Variants in DOT1L observed in about 807,000 individuals in gnomAD.
The protein encoded by DOT1L is histone-lysine N-methyltransferase, H3 lysine-79 specific.
A neutral mutation model predicts 153.3 loss-of-function variants in DOT1L; 33 were observed. The observed-to-expected ratio is 0.22, with a 90% CI of 0.16 to 0.29. The LOEUF (loss-of-function observed/expected upper bound fraction) is 0.29, where lower values mean the gene tolerates loss of function less well. DOT1L is among the 10% of genes least tolerant of loss of function. The pLI is 1.00. For missense variants in DOT1L, 1,847 were observed against 2,119.9 expected (o/e 0.87, Z 2.53); for synonymous variants, 1,135 against 965.1 (o/e 1.18, Z -3.26).
rs149970270 is a variant in DOT1L, at chr19:2,196,950, G to A, written c.651+2373G>A. Among the ~76,000 whole-genome samples, 47 of 151,954 alleles carry A rather than the reference G, an allele frequency of 3.1e-4. 1 individual carries two copies. The East Asian group carries it at 8.1e-3, about 26-fold the overall frequency. On this transcript the variant is annotated intron_variant, in intron 7 of 27. Coordinates refer to ENST00000398665, the MANE Select transcript of DOT1L (RefSeq NM_032482.3). ...TCGTTGCTGCTTCTAGTGTCAGCGC[G>A]GTGCTGTGGTTTCTGTTCCTCACCC...
chr19:2,207,491 C>G lies in DOT1L; in HGVS notation c.857-83C>G, dbSNP rs934075322. 2 of 1,199,738 alleles carry G rather than the reference C, an allele frequency of 1.7e-6. No homozygotes were observed. The highest frequency in any genetic ancestry group is 1.5e-5 in the African/African-American group (1 of 65,942). The allele number at this position is 1,199,738 out of a possible 1,614,324, so 74.3% of individuals were successfully genotyped here. A position where few individuals can be genotyped will look rare whatever the true frequency, so the allele number is the denominator to read the frequency against. ...GACGCGCAGCTCAGGCTTCTGTCCC[C>G]ACGCCTGCCCTGGGGTGGGTGAGGT... On this transcript the variant is annotated intron_variant, in intron 10 of 27. Coordinates refer to ENST00000398665, the MANE Select transcript of DOT1L (RefSeq NM_032482.3). This position sits in a 1 kb window ranked among gnomAD's most constrained non-coding sequence, Gnocchi z 4.5.
rs1599610128 is a variant in DOT1L, at chr19:2,220,018, C to T, written c.2692-90C>T. ...GACCCCGGCGGCCTCCCCCAGCCAGCTGCAGGCCTCAACACTCACTGTTTC... is the reference window on the plus strand; with the variant it reads ...GACCCCGGCGGCCTCCCCCAGCCAGTTGCAGGCCTCAACACTCACTGTTTC... On this transcript the variant is annotated intron_variant, in intron 22 of 27. Coordinates refer to ENST00000398665, the MANE Select transcript of DOT1L (RefSeq NM_032482.3). The surrounding 1 kb of genome is among the most constrained non-coding windows in gnomAD (Gnocchi z 4.5). 1.1e-5 allele frequency: 13 copies of T among 1,235,894 alleles called. No individual in the cohort carries two copies. Among genetic ancestry groups the T allele is most frequent in the African/African-American group, 4.5e-5 (3 of 66,374 alleles). 76.6% of individuals were successfully genotyped at this position (1,235,894 alleles called of 1,614,324 possible). A position where few individuals can be genotyped will look rare whatever the true frequency, so the allele number is the denominator to read the frequency against.
chr19:2,185,998 G>A (rs759700278), intron 3 of DOT1L, 69 bp downstream of exon 3: 17 of 1,452,928 alleles, frequency 1.2e-5, no homozygotes, highest in South Asian at 2.3e-5. Context: ...ACAGGAGGAC[G>A]CATCCTATAA....
At chr19:2,215,550 C>T (rs1295847932) in intron 19 of DOT1L, 1 of 152,482 alleles carries the variant, frequency 6.6e-6, no homozygotes, top group South Asian at 2.1e-4. Flanking sequence ...TGTCGCTGGA[C>T]CTCTGCTGCC....
chr19:2,199,393 G>A (rs1468269002), intron 7 of DOT1L, among the ~76,000 whole-genome samples: 1 of 152,232 alleles, frequency 6.6e-6, no homozygotes, highest in African/African-American at 2.4e-5. Context: ...TCTCAGCCTG[G>A]CCGAGTGTCG....
At chr19:2,187,938 A>AG (rs1555718460) in intron 3 of DOT1L, among the ~76,000 whole-genome samples, 5 of 148,108 alleles carry the variant, frequency 3.4e-5, no homozygotes, top group South Asian at 2.2e-4. Context: ...AAAAAAAAAA[A>AG]GGGAAGTGAA....
At position 2,213,838 on chromosome 19, in the gene DOT1L, C is replaced by G; in HGVS notation, c.1660-11C>G. ...CACCAGCATGACCTCTCCCCCGCCC[C>G]ATGTCCCCAGCTGGGTGTGAAGGCG... On this transcript the variant is annotated splice_polypyrimidine_tract_variant and intron_variant, in intron 17 of 27. Coordinates refer to ENST00000398665, the MANE Select transcript of DOT1L (RefSeq NM_032482.3). 1 of 1,613,002 alleles carries G rather than the reference C, an allele frequency of 6.2e-7. No homozygotes were observed. Among genetic ancestry groups the G allele is most frequent in the East Asian group, 2.2e-5 (1 of 44,886 alleles).
intron 1 of DOT1L, among the ~76,000 whole-genome samples, chr19:2,167,020 T>C (rs1165485235): frequency 1.3e-5 from 2 of 152,188 alleles, no homozygotes; most frequent in Non-Finnish European, 1.5e-5. Flanking sequence ...GCTGCAGGTT[T>C]CAAAAGTTAC....
chr19:2,168,785 T>A (rs1209130904), intron 1 of DOT1L, among the ~76,000 whole-genome samples: 2 of 152,084 alleles, frequency 1.3e-5, no homozygotes. Flanking sequence ...CAGCTAATTT[T>A]TTGTATTTTT....
In DOT1L at chr19:2,226,843, GC is replaced by G; in HGVS notation, c.4326del (p.Gly1443AlafsTer75). Reference sequence around the variant, plus strand: ...GTGCCTCCCGGAAGCCTCCTCAGCGGCCCCGGCCTGGCCCCGGCGGCGTCCT... The same window carrying G: ...GTGCCTCCCGGAAGCCTCCTCAGCGGCCCGGCCTGGCCCCGGCGGCGTCCT... Reference protein sequence around the residue: ...AAVPPGSLLSGPGLAPAASSA... With the variant: ...AAVPPGSLLSXPGLAPAASSA... On this transcript the variant is annotated frameshift_variant, in exon 27 of 28. Transcript: ENST00000398665. LOFTEE classifies it high-confidence loss of function. The G allele has an allele frequency of 1.3e-6, 2 of 1,580,044 alleles. No homozygotes were observed.
In DOT1L at chr19:2,197,480, G is replaced by T. The variant is rs1026602781; in HGVS notation, c.652-2404G>T. 3.3e-5 allele frequency among the ~76,000 whole-genome samples: 5 copies of T among 152,196 alleles called. No homozygotes were observed. Among genetic ancestry groups the T allele is most frequent in the Admixed American group, 1.3e-4 (2 of 15,276 alleles). ...GAGCCTTGCTCAGGAGAGGGGTGCT[G>T]TCGGGTGGTGGGGCTGCCGCAGCAC... On this transcript the variant is annotated intron_variant, in intron 7 of 27. Transcript: ENST00000398665. This position sits in a 1 kb window ranked among gnomAD's most constrained non-coding sequence, Gnocchi z 4.1.
chr19:2,204,298 T>G lies in DOT1L; in HGVS notation c.787+1519T>G, dbSNP rs1393785948. On this transcript the variant is annotated intron_variant, in intron 9 of 27. Transcript: ENST00000398665. This position sits in a 1 kb window ranked among gnomAD's most constrained non-coding sequence, Gnocchi z 5.7. ...ATGTGTCTGCTTGTTTGTCTGTGTG[T>G]GTGCATGCATGCCTGTGTCTCTCTG... is the stretch of plus-strand genomic sequence containing the variant. Among the ~76,000 whole-genome samples, 1 of 151,978 alleles carries G rather than the reference T, an allele frequency of 6.6e-6. No individual in the cohort carries two copies. Among genetic ancestry groups the G allele is most frequent in the East Asian group, 1.9e-4 (1 of 5,176 alleles).
chr19:2,170,040 C>T (rs1378295459), intron 1 of DOT1L, among the ~76,000 whole-genome samples: 3 of 152,162 alleles, frequency 2.0e-5, no homozygotes, highest in South Asian at 2.1e-4. Context: ...GCCTATAATC[C>T]GGAGAATTGC....
Position 2,210,868 on chromosome 19 carries a change from C to A in DOT1L, c.1351+13C>A. 6.2e-7 allele frequency: 1 copy of A among 1,610,596 alleles called. No homozygotes were observed. The highest frequency in any genetic ancestry group is 8.5e-7 in the Non-Finnish European group (1 of 1,178,968). ...TCCTCACCCCAGGGTGAGCCGCCCC[C>A]ACGCCACGGCCCCCGCTCTCCCCGA... On this transcript the variant is annotated intron_variant, in intron 14 of 27. Coordinates refer to ENST00000398665, the MANE Select transcript of DOT1L (RefSeq NM_032482.3).
intron 27 of DOT1L, chr19:2,229,260 C>T (rs1002087477): frequency 6.1e-6 from 6 of 985,364 alleles, no homozygotes; most frequent in Admixed American, 1.2e-4. Context: ...GCCACCCGTG[C>T]CCTCCAGGGA....
chr19:2,224,423 G>A (rs982361295), intron 25 of DOT1L, among the ~76,000 whole-genome samples: 7 of 151,478 alleles, frequency 4.6e-5, no homozygotes, highest in South Asian at 2.1e-4. Flanking sequence ...CTAGCCATCC[G>A]AGTCGTCGTG....
chr19:2,202,670 A>C (rs758645330), intron 8 of DOT1L, 30 bp from the exon 9 acceptor site: 1 of 1,608,398 alleles, frequency 6.2e-7, no homozygotes, highest in Non-Finnish European at 8.5e-7. Flanking sequence ...ACGAGCCTTC[A>C]TGGCACTGAA....
In DOT1L at chr19:2,216,950, T is replaced by G. The variant is rs191593707; in HGVS notation, c.2409-5T>G. 623 of 1,609,684 alleles carry G rather than the reference T, an allele frequency of 3.9e-4. 1 individual carries two copies. The highest frequency in any genetic ancestry group is 8.9e-4 in the Admixed American group (53 of 59,804). On this transcript the variant is annotated splice_polypyrimidine_tract_variant and splice_region_variant and intron_variant, in intron 20 of 27. Coordinates refer to ENST00000398665, the MANE Select transcript of DOT1L (RefSeq NM_032482.3). ...CTCGAGAGTGACTGCAGCTTCTCAT[T>G]CCAGAGCTGAGCACACCAAGGAGAA...
intron 18 of DOT1L, chr19:2,214,216 T>C (rs752481104): frequency 7.9e-6 from 7 of 885,478 alleles, no homozygotes; most frequent in Non-Finnish European, 1.2e-5. Flanking sequence ...AGCCACACTC[T>C]GGCAGGCTCG....
Sources: gnomAD v4.1 joint callset for allele counts (sites outside exome capture counted in the v4.1 genomes callset) on GRCh38, gnomAD v4.1.1 for gene constraint, Gnocchi (gnomAD v3.1) non-coding constraint, MANE v1.5 for transcripts, NCBI Gene and HGNC (gene_info 2026-07-23, HGNC 2026-07-21) for gene names.